The following FGF7 variants were observed in gnomAD, a reference collection of about 807,000 sequenced individuals.
The protein encoded by FGF7 is FGF-7.
In FGF7, 6 loss-of-function variants were observed where a neutral mutation model predicts 20.5. The observed-to-expected ratio is 0.29, with a 90% CI of 0.16 to 0.58. The LOEUF (loss-of-function observed/expected upper bound fraction) is 0.58. Ranked by LOEUF, FGF7 falls within the 20% of genes least tolerant of loss-of-function variation. The probability of loss-of-function intolerance (pLI) is 0.90; values close to 1 mark genes in which losing one functional copy is unlikely to be tolerated. For synonymous variants in FGF7, 64 were observed against 74.7 expected, an observed-to-expected ratio of 0.86 and a Z score of 0.74; for missense variants, 144 against 228.8, an observed-to-expected ratio of 0.63 and a Z score of 2.39.
intron 2 of FGF7, among the ~76,000 whole-genome samples, chr15:49,474,788 A>G (rs981727360): frequency 1.3e-5 from 2 of 152,018 alleles, no homozygotes; most frequent in African/African-American, 4.8e-5. Context: ...CCCTATTGTG[A>G]ACTGCATATG....
intron 2 of FGF7, among the ~76,000 whole-genome samples, chr15:49,472,488 G>A (rs1385980137): frequency 3.3e-5 from 5 of 152,172 alleles, no homozygotes; most frequent in Non-Finnish European, 7.3e-5. Context: ...TGGTCACATG[G>A]CCACATTAAG....
rs973395182 is a variant in FGF7, at chr15:49,487,955, C to A, written c.*3451C>A. On this transcript the variant is annotated 3_prime_UTR_variant, in exon 4 of 4. Coordinates refer to ENST00000267843, the MANE Select transcript of FGF7 (RefSeq NM_002009.4). The stretch of plus-strand genomic sequence containing the variant: ...TGAGACACAAAAGATTATTTGCCTC[C>A]CATAATCCAACTTTACACATAAATA... 2.0e-5 allele frequency: 3 copies of A among 151,874 alleles called. 1 individual carries two copies. The highest frequency in any genetic ancestry group is 7.3e-5 in the African/African-American group (3 of 41,362). 9.4% of individuals were successfully genotyped at this position (151,874 alleles called of 1,614,324 possible). A position where few individuals can be genotyped will look rare whatever the true frequency, so the allele number is the denominator to read the frequency against.
At chr15:49,440,395 A>C (rs541275140) in intron 2 of FGF7, among the ~76,000 whole-genome samples, 1 of 151,754 alleles carries the variant, frequency 6.6e-6, no homozygotes, top group South Asian at 2.1e-4. Flanking sequence ...GTGAAAAGCC[A>C]ATGTTTATAT....
intron 2 of FGF7, among the ~76,000 whole-genome samples, chr15:49,426,855 A>G (rs1266478911): frequency 6.6e-6 from 1 of 152,008 alleles, no homozygotes; most frequent in African/African-American, 2.4e-5. Context: ...TATATATGGT[A>G]TACTTTCTTG....
At chr15:49,448,630 T>C (rs991497113) in intron 2 of FGF7, among the ~76,000 whole-genome samples, 2 of 151,652 alleles carry the variant, frequency 1.3e-5, no homozygotes, top group Non-Finnish European at 2.9e-5. Flanking sequence ...CCAAATATTC[T>C]TTGATGAGCA....
chr15:49,464,532 A>C (rs1419293429), intron 2 of FGF7, among the ~76,000 whole-genome samples: 1 of 152,194 alleles, frequency 6.6e-6, no homozygotes, highest in East Asian at 1.9e-4. Flanking sequence ...GAACATTTAT[A>C]TATAGGTAGG....
rs188325584 is a variant in FGF7 at position 49,465,827 on chromosome 15, G to C, written c.287-17324G>C. 7.0e-3 allele frequency among the ~76,000 whole-genome samples: 1,067 copies of C among 152,210 alleles called. 11 individuals are homozygous for C. The highest frequency in any genetic ancestry group is 0.024 in the Middle Eastern group (7 of 294). ...GACATTTAGTATGATTAGAAAACTTGTTAATTCTTTAATCTTGGAATAATA... is the reference window on the plus strand; with the variant it reads ...GACATTTAGTATGATTAGAAAACTTCTTAATTCTTTAATCTTGGAATAATA... On this transcript the variant is annotated intron_variant, in intron 2 of 3. Transcript: ENST00000267843.
chr15:49,479,599 G>GTTTTTTTTTTT lies in FGF7; in HGVS notation c.287-3533_287-3523dup, dbSNP rs56097665. 3.6e-4 allele frequency among the ~76,000 whole-genome samples: 23 copies of GTTTTTTTTTTT among 63,322 alleles called. 1 individual carries two copies. The highest frequency in any genetic ancestry group is 1.1e-3 in the African/African-American group (18 of 15,942). 41.5% of individuals were successfully genotyped at this position (63,322 alleles called of 152,430 possible). On this transcript the variant is annotated intron_variant, in intron 2 of 3. Coordinates refer to ENST00000267843, the MANE Select transcript of FGF7 (RefSeq NM_002009.4). ...GTAGGATTTCATAGTTAATACCTCT[G>GTTTTTTTTTTT]TTTTTTTTTTTTTTTTTTTTTTTTT...
intron 1 of FGF7, among the ~76,000 whole-genome samples, chr15:49,423,670 C>A (rs1035511489): frequency 5.9e-5 from 9 of 152,050 alleles, no homozygotes; most frequent in African/African-American, 7.2e-5. Flanking sequence ...TGATTAACCA[C>A]AAATGTAAAA....
intron 2 of FGF7, among the ~76,000 whole-genome samples, chr15:49,448,596 C>T (rs1338819765): frequency 1.3e-5 from 2 of 151,022 alleles, no homozygotes; most frequent in Non-Finnish European, 3.0e-5. Flanking sequence ...TCTGGTTATT[C>T]TCTTCACTTT....
intron 2 of FGF7, among the ~76,000 whole-genome samples, chr15:49,468,486 A>G (rs2054460673): frequency 6.6e-6 from 1 of 152,148 alleles, no homozygotes; most frequent in Non-Finnish European, 1.5e-5. Context: ...TTTAACAGCT[A>G]CAGGGCATGC....
chr15:49,425,843 TATC>T (rs1254883583), intron 2 of FGF7, among the ~76,000 whole-genome samples: 7 of 151,862 alleles, frequency 4.6e-5, no homozygotes, highest in Admixed American at 1.3e-4. Context: ...TTAATAAAGG[TATC>T]ATGTTAGTTC....
chr15:49,443,942 C>G lies in FGF7; in HGVS notation c.286+19359C>G, dbSNP rs898302600. 3.4e-4 allele frequency among the ~76,000 whole-genome samples: 51 copies of G among 151,572 alleles called. 1 individual carries two copies. The highest frequency in any genetic ancestry group is 3.3e-3 in the Admixed American group (50 of 15,170). On this transcript the variant is annotated intron_variant, in intron 2 of 3. Coordinates refer to ENST00000267843, the MANE Select transcript of FGF7 (RefSeq NM_002009.4). Reference sequence around the variant, plus strand: ...CTGAGAGTCAGTTGTTAAACATTTACATCATGCTTCTACATATAATCTATC... The same window carrying G: ...CTGAGAGTCAGTTGTTAAACATTTAGATCATGCTTCTACATATAATCTATC...
At chr15:49,439,697 T>C (rs1452147522) in intron 2 of FGF7, among the ~76,000 whole-genome samples, 1 of 151,750 alleles carries the variant, frequency 6.6e-6, no homozygotes, top group African/African-American at 2.4e-5. Flanking sequence ...TAGGGTCTCC[T>C]CAGGAGGAAC....
At chr15:49,450,695 A>G (rs560393357) in intron 2 of FGF7, among the ~76,000 whole-genome samples, 4 of 152,256 alleles carry the variant, frequency 2.6e-5, no homozygotes, top group African/African-American at 9.6e-5. Context: ...TGATTCCCAC[A>G]TCACAGGTTT....
chr15:49,475,253 A>G (rs1003056737), intron 2 of FGF7, among the ~76,000 whole-genome samples: 1 of 152,192 alleles, frequency 6.6e-6, no homozygotes, highest in Non-Finnish European at 1.5e-5. Context: ...GGATTTGGCA[A>G]TTAGGAGTTT....
intron 2 of FGF7, among the ~76,000 whole-genome samples, chr15:49,443,994 A>G (rs2051934872): frequency 6.6e-6 from 1 of 151,718 alleles, no homozygotes; most frequent in Non-Finnish European, 1.5e-5. Context: ...TTTTGAGAGT[A>G]AAAGATTGTG....
intron 2 of FGF7, among the ~76,000 whole-genome samples, chr15:49,459,221 AGAG>A (rs1567316893): frequency 6.6e-6 from 1 of 152,154 alleles, no homozygotes; most frequent in Non-Finnish European, 1.5e-5. Flanking sequence ...TGTCCTGGCC[AGAG>A]GAGGAGAGAT....
intron 2 of FGF7, among the ~76,000 whole-genome samples, chr15:49,440,077 C>T (rs1765428957): frequency 6.6e-6 from 1 of 151,756 alleles, no homozygotes; most frequent in South Asian, 2.1e-4. Flanking sequence ...GATGAGGGAA[C>T]TGAGTCACGA....
Sources: gnomAD v4.1 joint callset for allele counts (sites outside exome capture counted in the v4.1 genomes callset) on GRCh38, gnomAD v4.1.1 for gene constraint, MANE v1.5 for transcripts, NCBI Gene and HGNC (gene_info 2026-07-23, HGNC 2026-07-21) for gene names.